RGPD2: variants seen among roughly 807,000 people sequenced by gnomAD.
RGPD2 encodes RANBP2-like and GRIP domain-containing protein 2.
RGPD2 carries 2 observed loss-of-function variants against 36.0 expected under a neutral mutation model. That is an observed-to-expected ratio of 0.06 (90% CI 0.02 to 0.17). RGPD2 has a LOEUF of 0.17. Ranked by LOEUF, RGPD2 falls within the 10% of genes least tolerant of loss-of-function variation. RGPD2 has a pLI of 1.00. For missense variants in RGPD2, 40 were observed against 464.3 expected, an observed-to-expected ratio of 0.09 and a Z score of 8.40; for synonymous variants, 19 against 163.8, an observed-to-expected ratio of 0.12 and a Z score of 6.75.
chr2:87,919,743 T>A, the RGPD2 span, among the ~76,000 whole-genome samples: 1 of 148,052 alleles, frequency 6.8e-6, no homozygotes, highest in South Asian at 2.1e-4. Flanking sequence ...ATAATAATTA[T>A]GTCTAGCAAT....
the RGPD2 span, among the ~76,000 whole-genome samples, chr2:87,852,292 G>GCCA: frequency 8.0e-6 from 1 of 124,898 alleles, no homozygotes; most frequent in African/African-American, 3.1e-5. Flanking sequence ...AGTCCTTAGT[G>GCCA]CCACTGACTT....
At chr2:87,878,952 T>G in the RGPD2 span, among the ~76,000 whole-genome samples, 1 of 152,210 alleles carries the variant, frequency 6.6e-6, no homozygotes. Context: ...TACAATTATA[T>G]GTAGTACTTT....
At chr2:87,843,883 T>TAA in the RGPD2 span, among the ~76,000 whole-genome samples, 1 of 151,798 alleles carries the variant, frequency 6.6e-6, no homozygotes, top group East Asian at 1.9e-4. Context: ...TATGCAGCCA[T>TAA]AAAAAATGAT....
the RGPD2 span, among the ~76,000 whole-genome samples, chr2:87,887,491 C>T: frequency 6.6e-6 from 1 of 151,948 alleles, no homozygotes; most frequent in African/African-American, 2.4e-5. Flanking sequence ...CTCTTAGGTA[C>T]TACATAGATT....
chr2:87,985,078 A>T, the RGPD2 span, among the ~76,000 whole-genome samples: 1 of 133,904 alleles, frequency 7.5e-6, no homozygotes. Flanking sequence ...AGTGATCTCC[A>T]AAGCTAGAAG....
At chr2:87,924,611 G>A in the RGPD2 span, among the ~76,000 whole-genome samples, 1 of 152,154 alleles carries the variant, frequency 6.6e-6, no homozygotes, top group African/African-American at 2.4e-5. Flanking sequence ...TAGAATGCCA[G>A]TAATAAATGT....
At chr2:87,922,726 C>T in the RGPD2 span, among the ~76,000 whole-genome samples, 1 of 150,330 alleles carries the variant, frequency 6.7e-6, no homozygotes, top group African/African-American at 2.5e-5. Flanking sequence ...TTCCTTTTCC[C>T]TAGACTGGTC....
chr2:87,758,288 G>GT (rs1196999641), intron 22 of RGPD2, among the ~76,000 whole-genome samples: 9 of 112,312 alleles, frequency 8.0e-5, no homozygotes, highest in Non-Finnish European at 7.4e-5. Flanking sequence ...TCCTCAAATG[G>GT]TTTTTTTTAT....
the RGPD2 span, among the ~76,000 whole-genome samples, chr2:87,971,493 C>G: frequency 2.2e-5 from 2 of 91,104 alleles, no homozygotes; most frequent in African/African-American, 7.4e-5. Context: ...TTATTATCTT[C>G]TCTGTCTATA....
At chr2:87,877,525 C>A in the RGPD2 span, among the ~76,000 whole-genome samples, 1 of 152,014 alleles carries the variant, frequency 6.6e-6, no homozygotes, top group Non-Finnish European at 1.5e-5. Context: ...TATTGACAGC[C>A]AGGCGCAGTG....
chr2:87,980,053 G>A, the RGPD2 span, among the ~76,000 whole-genome samples: 1 of 151,356 alleles, frequency 6.6e-6, no homozygotes, highest in Non-Finnish European at 1.5e-5. Context: ...GACCACTTAA[G>A]AATAATACCA....
chr2:87,836,244 GAGAA>G, the RGPD2 span, among the ~76,000 whole-genome samples: 71 of 140,000 alleles, frequency 5.1e-4, no homozygotes, highest in African/African-American at 1.7e-3. Flanking sequence ...CAGACAAATA[GAGAA>G]AGAAAGAAGG....
At chr2:87,961,276 GA>G in the RGPD2 span, among the ~76,000 whole-genome samples, 19 of 152,208 alleles carry the variant, frequency 1.2e-4, no homozygotes, top group African/African-American at 4.6e-4. Flanking sequence ...GAAAGCGCCT[GA>G]AAGCCACTGA....
At chr2:87,813,636 A>G (rs1477117298) in intron 4 of RGPD2, among the ~76,000 whole-genome samples, 1 of 114,916 alleles carries the variant, frequency 8.7e-6, no homozygotes, top group African/African-American at 3.4e-5. Flanking sequence ...GATGAGATGG[A>G]TGATACCCTG....
At chr2:87,915,676 C>G in the RGPD2 span, among the ~76,000 whole-genome samples, 3 of 145,794 alleles carry the variant, frequency 2.1e-5, no homozygotes, top group East Asian at 5.9e-4. Context: ...ATATATATCT[C>G]CCTTTTCAAC....
chr2:87,839,468 G>T, the RGPD2 span, among the ~76,000 whole-genome samples: 8 of 151,976 alleles, frequency 5.3e-5, no homozygotes, highest in Admixed American at 5.3e-4. Context: ...CTAACGTAAA[G>T]ACACATGCAC....
chr2:87,869,839 A>G, the RGPD2 span, among the ~76,000 whole-genome samples: 2 of 152,354 alleles, frequency 1.3e-5, no homozygotes, highest in African/African-American at 4.8e-5. Flanking sequence ...AAGACTATTT[A>G]ACAGGAACAT....
the RGPD2 span, among the ~76,000 whole-genome samples, chr2:87,957,949 C>A: frequency 1.3e-5 from 2 of 152,274 alleles, no homozygotes; most frequent in Non-Finnish European, 2.9e-5. Context: ...AACTCAGATG[C>A]TCATGAACAA....
the RGPD2 span, among the ~76,000 whole-genome samples, chr2:87,846,558 T>A: frequency 6.6e-6 from 1 of 152,108 alleles, no homozygotes; most frequent in Non-Finnish European, 1.5e-5. Flanking sequence ...TCTCAACAAT[T>A]TTTTGAATTA....
Sources: gnomAD v4.1 joint callset for allele counts (sites outside exome capture counted in the v4.1 genomes callset) on GRCh38, gnomAD v4.1.1 for gene constraint, MANE v1.5 for transcripts, NCBI Gene and HGNC (gene_info 2026-07-23, HGNC 2026-07-21) for gene names.